CTNNA3: variants seen among roughly 807,000 people sequenced by gnomAD.
The protein encoded by CTNNA3 is catenin alpha 3.
In CTNNA3, 76 loss-of-function variants were observed where a neutral mutation model predicts 95.7. The ratio of observed to expected loss-of-function variants is 0.79; its 90% CI spans 0.66 to 0.96. The LOEUF is 0.96. Among genes scored for constraint, CTNNA3 ranks in the 40% least tolerant of loss-of-function variants. The pLI is 0.00. For missense variants in CTNNA3, 1,191 were observed against 1,089.8 expected (o/e 1.09, Z -1.31); for synonymous variants, 431 against 374.4 (o/e 1.15, Z -1.74).
At chr10:67,361,711 G>T (rs1486744043) in intron 5 of CTNNA3, among the ~76,000 whole-genome samples, 1 of 151,854 alleles carries the variant, frequency 6.6e-6, no homozygotes, top group Non-Finnish European at 1.5e-5. Flanking sequence ...GCAACTATGG[G>T]AACTAGAAAA....
chr10:66,888,357 T>A (rs1005349457), intron 7 of CTNNA3, among the ~76,000 whole-genome samples: 4 of 152,188 alleles, frequency 2.6e-5, no homozygotes, highest in African/African-American at 9.7e-5. Context: ...AAGCCAGCCC[T>A]CCTGACACAT....
chr10:66,702,565 G>GCATGGT (rs1437889725), intron 9 of CTNNA3, among the ~76,000 whole-genome samples: 1 of 151,796 alleles, frequency 6.6e-6, no homozygotes, highest in East Asian at 1.9e-4. Context: ...AATTAGCCGG[G>GCATGGT]CATGGTGGTG....
chr10:66,424,815 T>C (rs557037861), intron 11 of CTNNA3, among the ~76,000 whole-genome samples: 1 of 152,200 alleles, frequency 6.6e-6, no homozygotes, highest in African/African-American at 2.4e-5. Flanking sequence ...TATATATCCT[T>C]TTTAAAATTT....
At chr10:65,993,548 G>T (rs568724150) in intron 15 of CTNNA3, among the ~76,000 whole-genome samples, 33 of 152,188 alleles carry the variant, frequency 2.2e-4, no homozygotes, top group Non-Finnish European at 4.4e-4. Flanking sequence ...GTTTTTATCA[G>T]ATATAAGTAG....
chr10:66,480,940 G>T (rs540742449), intron 11 of CTNNA3, among the ~76,000 whole-genome samples: 1 of 152,150 alleles, frequency 6.6e-6, no homozygotes, highest in South Asian at 2.1e-4. Flanking sequence ...AAGTATTATT[G>T]CAGAGGCATG....
At chr10:65,981,608 C>T (rs1036303017) in intron 16 of CTNNA3, among the ~76,000 whole-genome samples, 4 of 151,902 alleles carry the variant, frequency 2.6e-5, no homozygotes, top group Admixed American at 6.6e-5. Context: ...TATTATAAGG[C>T]CATAGTCACC....
At chr10:67,386,171 C>A (rs772538325) in intron 5 of CTNNA3, among the ~76,000 whole-genome samples, 3 of 152,170 alleles carry the variant, frequency 2.0e-5, no homozygotes, top group Non-Finnish European at 4.4e-5. Flanking sequence ...ATTCTGAATT[C>A]TTTACATTGC....
chr10:66,502,145 T>C (rs1840298060), intron 11 of CTNNA3, among the ~76,000 whole-genome samples: 1 of 152,064 alleles, frequency 6.6e-6, no homozygotes, highest in South Asian at 2.1e-4. Flanking sequence ...TGACCCTGGG[T>C]GATAAAGGTT....
Position 66,095,618 on chromosome 10 carries a change from T to C in CTNNA3, c.1977+7539A>G, listed in dbSNP as rs114136033. ...TCCATGGAATTGTTTTTCTATTTCA[T>C]AGTGAAGGATATTCAGGTAACTGCA... On this transcript the variant is annotated intron_variant, in intron 14 of 17. Coordinates refer to ENST00000433211, the MANE Select transcript of CTNNA3 (RefSeq NM_013266.4). Among the ~76,000 whole-genome samples the C allele has an allele frequency of 8.2e-3, 1,249 of 152,206 alleles. 13 individuals are homozygous for C. Among genetic ancestry groups the C allele is most frequent in the African/African-American group, 0.028 (1,184 of 41,562 alleles).
chr10:67,554,075 C>A (rs946176805), intron 3 of CTNNA3, among the ~76,000 whole-genome samples: 4 of 152,180 alleles, frequency 2.6e-5, no homozygotes, highest in Non-Finnish European at 5.9e-5. Flanking sequence ...CATGTCCCTA[C>A]AAAGGACATC....
chr10:66,046,505 C>T (rs1004591852), intron 15 of CTNNA3, among the ~76,000 whole-genome samples: 3 of 152,082 alleles, frequency 2.0e-5, no homozygotes, highest in African/African-American at 4.8e-5. Context: ...TAAATGGCCA[C>T]ATCAAAATTT....
At chr10:66,887,316 T>A (rs1845079876) in intron 7 of CTNNA3, among the ~76,000 whole-genome samples, 1 of 152,188 alleles carries the variant, frequency 6.6e-6, no homozygotes, top group African/African-American at 2.4e-5. Flanking sequence ...ATGCTCTCAC[T>A]CTTTCTCAGT....
intron 12 of CTNNA3, among the ~76,000 whole-genome samples, chr10:66,302,238 T>C (rs888567261): frequency 1.3e-5 from 2 of 152,046 alleles, no homozygotes; most frequent in African/African-American, 4.8e-5. Context: ...ATGTCAGTCT[T>C]TCCCTACTTG....
At chr10:66,594,077 G>A (rs531429699) in intron 10 of CTNNA3, among the ~76,000 whole-genome samples, 2 of 151,970 alleles carry the variant, frequency 1.3e-5, no homozygotes, top group Middle Eastern at 3.2e-3. Flanking sequence ...AAACAATACT[G>A]ACCAAACGGA....
chr10:67,005,686 T>TTTTTTTTTTGTTTGTTTG (rs1554895963), intron 7 of CTNNA3, among the ~76,000 whole-genome samples: 12 of 101,152 alleles, frequency 1.2e-4, no homozygotes, highest in African/African-American at 3.4e-4. Flanking sequence ...CTCCATCTTT[T>TTTTTTTTTTGTTTGTTTG]TTTTTTTTTT....
In CTNNA3 at chr10:67,445,213, A is replaced by C. The variant is rs182721902; in HGVS notation, c.579+76629T>G. Among the ~76,000 whole-genome samples the C allele has an allele frequency of 7.9e-5, 12 of 152,144 alleles. No individual in the cohort carries two copies. In the East Asian group the frequency reaches 2.1e-3, roughly 27 times the overall value. The stretch of plus-strand genomic sequence containing the variant: ...AAAACATACAACAAATACACACACA[A>C]AAAAAGCAAGAAATTAAATCATAAC... On this transcript the variant is annotated intron_variant, in intron 5 of 17. Transcript: ENST00000433211.
intron 5 of CTNNA3, among the ~76,000 whole-genome samples, chr10:67,224,868 G>T (rs532958324): frequency 6.6e-6 from 1 of 152,316 alleles, no homozygotes; most frequent in Non-Finnish European, 1.5e-5. Context: ...AGGGTGAGAA[G>T]CCTCATGGCC....
intron 14 of CTNNA3, among the ~76,000 whole-genome samples, chr10:66,074,526 C>T (rs1274762077): frequency 6.6e-6 from 1 of 151,774 alleles, no homozygotes; most frequent in African/African-American, 2.4e-5. Context: ...AGATATTGCC[C>T]ATTAATTATT....
chr10:67,525,967 G>C (rs1360069626), intron 4 of CTNNA3, among the ~76,000 whole-genome samples: 1 of 152,196 alleles, frequency 6.6e-6, no homozygotes, highest in Admixed American at 6.5e-5. Flanking sequence ...GTAAGTGCCT[G>C]ATGGAAAGCA....
Sources: gnomAD v4.1 joint callset for allele counts (sites outside exome capture counted in the v4.1 genomes callset) on GRCh38, gnomAD v4.1.1 for gene constraint, MANE v1.5 for transcripts, NCBI Gene and HGNC (gene_info 2026-07-23, HGNC 2026-07-21) for gene names.